CFAP77: variants seen among roughly 807,000 people sequenced by gnomAD.
The protein encoded by CFAP77 is cilia and flagella associated protein 77.
A neutral mutation model predicts 31.1 loss-of-function variants in CFAP77; 25 were observed. That is an observed-to-expected ratio of 0.80 (90% CI 0.59 to 1.12). CFAP77 has a LOEUF of 1.12. Ranked by LOEUF, CFAP77 falls within the 50% of genes most tolerant of loss-of-function variation. The probability of loss-of-function intolerance (pLI) is 0.00; values close to 1 mark genes in which losing one functional copy is unlikely to be tolerated. For synonymous variants in CFAP77, 151 were observed against 159.9 expected (o/e 0.94, Z 0.42); for missense variants, 377 against 397.3 (o/e 0.95, Z 0.44).
chr9:132,500,188 G>C (rs559383486), intron 3 of CFAP77, among the ~76,000 whole-genome samples: 2 of 151,554 alleles, frequency 1.3e-5, no homozygotes, highest in East Asian at 3.9e-4. Context: ...CTGTCTTCAT[G>C]GAGTGACAGA....
chr9:132,451,055 G>T (rs915762012), intron 1 of CFAP77, among the ~76,000 whole-genome samples: 5 of 152,300 alleles, frequency 3.3e-5, no homozygotes, highest in African/African-American at 9.6e-5. Flanking sequence ...TCATGAATTG[G>T]TCCGGGCACG....
At chr9:132,437,242 G>T (rs918501555) in intron 1 of CFAP77, among the ~76,000 whole-genome samples, 1 of 152,210 alleles carries the variant, frequency 6.6e-6, no homozygotes, top group Non-Finnish European at 1.5e-5. Flanking sequence ...CACTGTGAGT[G>T]TGTTTATAAC....
At chr9:132,529,555 G>A (rs1260649038) in intron 3 of CFAP77, among the ~76,000 whole-genome samples, 4 of 149,956 alleles carry the variant, frequency 2.7e-5, no homozygotes, top group African/African-American at 9.8e-5. Flanking sequence ...GGCCGGGCAC[G>A]GTGGCTCACG....
At chr9:132,566,555 G>A (rs912510338) in intron 5 of CFAP77, among the ~76,000 whole-genome samples, 4 of 152,160 alleles carry the variant, frequency 2.6e-5, no homozygotes, top group Admixed American at 6.5e-5. Context: ...TACGAGGCCC[G>A]TTGAGGACTG....
chr9:132,439,789 T>C (rs953822915), intron 1 of CFAP77, among the ~76,000 whole-genome samples: 4 of 142,052 alleles, frequency 2.8e-5, no homozygotes, highest in Middle Eastern at 4.1e-3. Flanking sequence ...GCGGAGCTTG[T>C]AGTGAGCCGA....
In CFAP77 at chr9:132,539,143, T is replaced by C. The variant is rs1852598034; in HGVS notation, c.630+1437T>C. On this transcript the variant is annotated intron_variant, in intron 4 of 5. Coordinates refer to ENST00000393216, the MANE Select transcript of CFAP77 (RefSeq NM_001282957.2). This position sits in a 1 kb window ranked among gnomAD's most constrained non-coding sequence, Gnocchi z 4.3. ...ATAAAATAGTACTTCCTTTAAAATA[T>C]TCTGAAACTCGAGCTTTCAGAGAGA... Among the ~76,000 whole-genome samples, 1 of 152,158 alleles carries C rather than the reference T, an allele frequency of 6.6e-6. No individual in the cohort carries two copies. Among genetic ancestry groups the C allele is most frequent in the Non-Finnish European group, 1.5e-5 (1 of 68,028 alleles).
chr9:132,536,104 T>C (rs182889574), intron 3 of CFAP77, among the ~76,000 whole-genome samples: 38 of 152,274 alleles, frequency 2.5e-4, no homozygotes, highest in Admixed American at 1.1e-3. Context: ...CTATCTTATA[T>C]ATATGGGGGC....
intron 1 of CFAP77, among the ~76,000 whole-genome samples, chr9:132,447,481 G>A (rs893593161): frequency 6.6e-6 from 1 of 152,192 alleles, no homozygotes; most frequent in African/African-American, 2.4e-5. Context: ...GGCTGCCTGG[G>A]GTCTTGTCTT....
At chr9:132,423,083 C>T (rs183831774) in intron 1 of CFAP77, among the ~76,000 whole-genome samples, 35 of 152,332 alleles carry the variant, frequency 2.3e-4, no homozygotes, top group African/African-American at 8.2e-4. Flanking sequence ...TTCGCGGCTG[C>T]CTCCAAAACC....
chr9:132,420,617 C>T lies in CFAP77; in HGVS notation c.195+10151C>T, dbSNP rs1047743159. 1.3e-4 allele frequency among the ~76,000 whole-genome samples: 20 copies of T among 151,180 alleles called. 1 individual carries two copies. In the South Asian group the frequency reaches 1.7e-3, roughly 13 times the overall value. ...TAGAGGTTGCAGTGAGCCAAGATCG[C>T]GCCATTGCACTCCGGCCTGCAGCCT... On this transcript the variant is annotated intron_variant, in intron 1 of 5. Transcript: ENST00000393216.
At chr9:132,421,928 T>C (rs565894034) in intron 1 of CFAP77, among the ~76,000 whole-genome samples, 3 of 152,216 alleles carry the variant, frequency 2.0e-5, no homozygotes, top group African/African-American at 4.8e-5. Flanking sequence ...CATTTGACCA[T>C]TTGCAAAATG....
At chr9:132,446,942 C>T (rs965939282) in intron 1 of CFAP77, among the ~76,000 whole-genome samples, 2 of 151,978 alleles carry the variant, frequency 1.3e-5, no homozygotes, top group South Asian at 4.2e-4. Flanking sequence ...GTGTGGGGAG[C>T]GGGGGTCTCC....
Position 132,410,366 on chromosome 9 carries a change from C to T in CFAP77, c.95C>T (p.Pro32Leu), listed in dbSNP as rs146243081. 121 of 1,599,002 alleles carry T rather than the reference C, an allele frequency of 7.6e-5. No homozygotes were observed. The African/African-American group carries it at 1.4e-3, about 19-fold the overall frequency. The change falls in exon 1 of 6, where the codon CCG becomes CTG. Residue 32 changes from proline (P) to leucine (L), a missense_variant. Physicochemically the swap from Pro to Leu is moderately conservative, Grantham distance 98. Transcript: ENST00000393216. ...ACGGTCAGCCAGGTCTGCCCGCCCCCGCGGCGGCCCCTGACCGTGGCGGAC... is the reference window on the plus strand; with the variant it reads ...ACGGTCAGCCAGGTCTGCCCGCCCCTGCGGCGGCCCCTGACCGTGGCGGAC... ...RRTVSQVCPP[P>L]RRPLTVADIR...
intron 1 of CFAP77, among the ~76,000 whole-genome samples, chr9:132,440,949 G>T (rs1850605171): frequency 6.6e-6 from 1 of 152,152 alleles, no homozygotes; most frequent in Admixed American, 6.5e-5. Flanking sequence ...TGCAACCTGT[G>T]TGTGTGTTCC....
At chr9:132,425,108 C>T (rs1038135079) in intron 1 of CFAP77, among the ~76,000 whole-genome samples, 2 of 152,178 alleles carry the variant, frequency 1.3e-5, no homozygotes, top group Admixed American at 6.5e-5. Flanking sequence ...GCCTTGTCAG[C>T]GTGGATGTTA....
chr9:132,553,257 C>T (rs147398796), intron 5 of CFAP77, among the ~76,000 whole-genome samples: 135 of 152,300 alleles, frequency 8.9e-4, no homozygotes, highest in Non-Finnish European at 1.7e-3. Flanking sequence ...TAATCAACTC[C>T]CCAAGAGCCT....
chr9:132,530,463 C>T (rs180733045), intron 3 of CFAP77, among the ~76,000 whole-genome samples: 205 of 152,060 alleles, frequency 1.3e-3, no homozygotes, highest in African/African-American at 4.8e-3. Flanking sequence ...TTAGTAGAGA[C>T]GAGGTTTCAC....
intron 1 of CFAP77, among the ~76,000 whole-genome samples, chr9:132,442,637 G>A (rs994702282): frequency 1.1e-4 from 17 of 152,010 alleles, no homozygotes; most frequent in African/African-American, 3.6e-4. Flanking sequence ...TTGTGTACTT[G>A]GAGATAATCA....
chr9:132,448,502 G>A (rs7861023), intron 1 of CFAP77, among the ~76,000 whole-genome samples: 6,707 of 152,234 alleles, frequency 0.044, 508 homozygotes, highest in African/African-American at 0.15. Context: ...TCCTGGGCTG[G>A]TTGTGAGGAT....
Sources: allele counts gnomAD v4.1 joint callset (sites outside exome capture counted in the v4.1 genomes callset), GRCh38; gene constraint gnomAD v4.1.1; non-coding constraint Gnocchi (gnomAD v3.1); transcripts MANE v1.5; gene names NCBI Gene and HGNC (gene_info 2026-07-23, HGNC 2026-07-21).